PCDHGB6: variants seen among roughly 807,000 people sequenced by gnomAD.
The protein encoded by PCDHGB6 is protocadherin gamma-B6.
Under a neutral mutation model 59.1 loss-of-function variants are expected in PCDHGB6, and 51 were observed. The ratio of observed to expected loss-of-function variants is 0.86; its 90% CI spans 0.69 to 1.09. The LOEUF (loss-of-function observed/expected upper bound fraction) is 1.09, where lower values mean the gene tolerates loss of function less well. Among genes scored for constraint, PCDHGB6 ranks in the 50% least tolerant of loss-of-function variants. The pLI is 0.00. For synonymous variants in PCDHGB6, 466 were observed against 495.1 expected (o/e 0.94, Z 0.78); for missense variants, 1,148 against 1,205.1 (o/e 0.95, Z 0.70).
intron 1 of PCDHGB6, among the ~76,000 whole-genome samples, chr5:141,442,703 C>A (rs1405830887): frequency 6.6e-6 from 1 of 152,218 alleles, no homozygotes; most frequent in Admixed American, 6.5e-5. Flanking sequence ...ACAAGAGTAT[C>A]AGACATGCCA....
intron 2 of PCDHGB6, among the ~76,000 whole-genome samples, chr5:141,500,184 T>TTTTATTTATTTATTTA (rs58019021): frequency 1.5e-5 from 2 of 135,886 alleles, no homozygotes; most frequent in African/African-American, 5.4e-5. Flanking sequence ...TCATTTTTAT[T>TTTTATTTATTTATTTA]TTTATTTATT....
rs2154581798 is a variant in PCDHGB6, at chr5:141,489,799, G to T, written c.2419-5008G>T. 1 of 1,614,192 alleles carries T rather than the reference G, an allele frequency of 6.2e-7. No homozygotes were observed. The highest frequency in any genetic ancestry group is 2.2e-5 in the East Asian group (1 of 44,884). On this transcript the variant is annotated intron_variant, in intron 1 of 3. Coordinates refer to ENST00000520790, the MANE Select transcript of PCDHGB6 (RefSeq NM_018926.3). The surrounding 1 kb of genome is among the most constrained non-coding windows in gnomAD (Gnocchi z 4.5). Reference sequence around the variant, plus strand: ...CTCTCTGAATGTGAAGACCCTAAAAGATGGGAAGCCATTCCCAGAGCTGGT... The same window carrying T: ...CTCTCTGAATGTGAAGACCCTAAAATATGGGAAGCCATTCCCAGAGCTGGT...
chr5:141,416,130 C>T (rs907950687), intron 1 of PCDHGB6: 1 of 154,098 alleles, frequency 6.5e-6, no homozygotes, highest in African/African-American at 2.4e-5. Context: ...ATATATTTTT[C>T]AATCTATACT....
chr5:141,422,092 G>A (rs2154549502), intron 1 of PCDHGB6: 6 of 1,611,520 alleles, frequency 3.7e-6, no homozygotes, highest in Non-Finnish European at 5.1e-6. Flanking sequence ...GGAAAGCAAG[G>A]CTTCTGAAAT....
At chr5:141,415,259 T>A (rs778452630) in intron 1 of PCDHGB6, 5 of 1,614,226 alleles carry the variant, frequency 3.1e-6, no homozygotes, top group Admixed American at 1.7e-5. Flanking sequence ...GACCTCACTC[T>A]GTACCTGGTG....
chr5:141,432,435 C>T lies in PCDHGB6; in HGVS notation c.2418+21815C>T. 1 of 1,614,212 alleles carries T rather than the reference C, an allele frequency of 6.2e-7. No homozygotes were observed. Among genetic ancestry groups the T allele is most frequent in the Non-Finnish European group, 8.5e-7 (1 of 1,180,038 alleles). The stretch of plus-strand genomic sequence containing the variant: ...TTCGTGCTGGACCAGAACGACAATG[C>T]GCCCGAGATCCTGTACCCCGCCCTC... On this transcript the variant is annotated intron_variant, in intron 1 of 3. Transcript: ENST00000520790. This position sits in a 1 kb window ranked among gnomAD's most constrained non-coding sequence, Gnocchi z 6.0.
At position 141,408,558 on chromosome 5, in the gene PCDHGB6, T is replaced by A. The variant is rs748858215; in HGVS notation, c.356T>A (p.Val119Asp). 3.0e-5 allele frequency: 48 copies of A among 1,613,898 alleles called. No individual in the cohort carries two copies. Among genetic ancestry groups the A allele is most frequent in the Non-Finnish European group, 5.9e-6 (7 of 1,179,892 alleles). ...VVENPLNIFHVIVVIEDVNDH... is the reference protein window; with the variant it reads ...VVENPLNIFHDIVVIEDVNDH... ...GAAAATCCTTTAAATATTTTTCATGTCATTGTGGTGATTGAGGATGTTAAT... is the reference window on the plus strand; with the variant it reads ...GAAAATCCTTTAAATATTTTTCATGACATTGTGGTGATTGAGGATGTTAAT... Residue 119 changes from valine (V) to aspartate (D), a missense_variant, in exon 1 of 4, where the codon GTC (valine) becomes GAC (aspartate). Coordinates refer to ENST00000520790, the MANE Select transcript of PCDHGB6 (RefSeq NM_018926.3).
Position 141,414,566 on chromosome 5 carries a change from A to G in PCDHGB6, c.2418+3946A>G, listed in dbSNP as rs375828619. The stretch of plus-strand genomic sequence containing the variant: ...TTCTCTCAAGTCTCCTACTTTACCT[A>G]TATCCCAGAGAACAACGCCAGGGGT... On this transcript the variant is annotated intron_variant, in intron 1 of 3. Coordinates refer to ENST00000520790, the MANE Select transcript of PCDHGB6 (RefSeq NM_018926.3). The G allele has an allele frequency of 6.6e-5, 106 of 1,613,800 alleles. No homozygotes were observed. Among genetic ancestry groups the G allele is most frequent in the Non-Finnish European group, 8.4e-5 (99 of 1,179,878 alleles).
At chr5:141,422,769 T>C (rs1274700138) in intron 1 of PCDHGB6, 1 of 1,613,852 alleles carries the variant, frequency 6.2e-7, no homozygotes, top group Admixed American at 1.7e-5. Context: ...ACACTGGTGT[T>C]CTCTATGCCC....
intron 1 of PCDHGB6, among the ~76,000 whole-genome samples, chr5:141,451,611 G>C (rs1004906441): frequency 6.6e-6 from 1 of 152,166 alleles, no homozygotes; most frequent in Admixed American, 6.5e-5. Context: ...GCTAGGCATG[G>C]TGGCTCAAAC....
chr5:141,491,855 G>A lies in PCDHGB6; in HGVS notation c.2419-2952G>A. ...TTCTCGGGATCATTGGACCGTTTGC[G>A]CGAAACCAGAGTGGCCGATTAAGGG... On this transcript the variant is annotated intron_variant, in intron 1 of 3. Coordinates refer to ENST00000520790, the MANE Select transcript of PCDHGB6 (RefSeq NM_018926.3). The surrounding 1 kb of genome is among the most constrained non-coding windows in gnomAD (Gnocchi z 6.9). The A allele has an allele frequency of 2.7e-6, 4 of 1,459,380 alleles. No individual in the cohort carries two copies. The highest frequency in any genetic ancestry group is 3.6e-6 in the Non-Finnish European group (4 of 1,103,492). The allele number at this position is 1,459,380 out of a possible 1,614,324, so 90.4% of individuals were successfully genotyped here. A position where few individuals can be genotyped will look rare whatever the true frequency, so the allele number is the denominator to read the frequency against.
In PCDHGB6 at chr5:141,410,206, G is replaced by T. The variant is rs774541712; in HGVS notation, c.2004G>T (p.Leu668Phe). 2 of 1,614,026 alleles carry T rather than the reference G, an allele frequency of 1.2e-6. No homozygotes were observed. The highest frequency in any genetic ancestry group is 1.1e-5 in the South Asian group (1 of 91,086). ...TTCATCTGGTCTTCGCAGACAACTT[G>T]CAAGAGATACTGCCAGACCTCAGCG... is the stretch of plus-strand genomic sequence containing the variant. ...ATLHLVFADN[L>F]QEILPDLSDR... is the part of the protein sequence containing the mutation. The change falls in exon 1 of 4, where the codon TTG becomes TTT. Residue 668 changes from leucine (L) to phenylalanine (F), a missense_variant. Leu to Phe is a conservative substitution (Grantham distance 22). Transcript: ENST00000520790.
rs759095332 is a variant in PCDHGB6, at chr5:141,432,306, C to T, written c.2418+21686C>T. 1 of 1,614,250 alleles carries T rather than the reference C, an allele frequency of 6.2e-7. No homozygotes were observed. On this transcript the variant is annotated intron_variant, in intron 1 of 3. Coordinates refer to ENST00000520790, the MANE Select transcript of PCDHGB6 (RefSeq NM_018926.3). This position sits in a 1 kb window ranked among gnomAD's most constrained non-coding sequence, Gnocchi z 6.0. ...AACTCCGACACTGGGGTACTGTATG[C>T]GCTGAGCTCCTTCGACTACGAGCAG...
chr5:141,414,180 A>G, intron 1 of PCDHGB6: 2 of 1,608,986 alleles, frequency 1.2e-6, no homozygotes, highest in Middle Eastern at 1.7e-4. Context: ...TTGCAACTGC[A>G]AAAGTGTTGA....
chr5:141,450,253 A>G (rs1025385837), intron 1 of PCDHGB6, among the ~76,000 whole-genome samples: 1 of 152,020 alleles, frequency 6.6e-6, no homozygotes, highest in African/African-American at 2.4e-5. Flanking sequence ...CCTGACCTCA[A>G]GTGATCTGCC....
intron 1 of PCDHGB6, chr5:141,413,167 C>G: frequency 6.3e-7 from 1 of 1,590,828 alleles, no homozygotes; most frequent in Non-Finnish European, 8.6e-7. Context: ...ATTCTGTAAC[C>G]AGACTACAAT....
At chr5:141,462,542 T>C (rs910054469) in intron 1 of PCDHGB6, among the ~76,000 whole-genome samples, 1 of 152,222 alleles carries the variant, frequency 6.6e-6, no homozygotes, top group Non-Finnish European at 1.5e-5. Flanking sequence ...AGTGATCTTT[T>C]CTTCTTCAGT....
At chr5:141,492,509 C>T (rs1276866000) in intron 1 of PCDHGB6, among the ~76,000 whole-genome samples, 1 of 152,216 alleles carries the variant, frequency 6.6e-6, no homozygotes, top group African/African-American at 2.4e-5. Context: ...CCGGAGCCTC[C>T]TCTCACCTCT....
At chr5:141,422,965 C>T (rs2096693602) in intron 1 of PCDHGB6, 2 of 1,614,116 alleles carry the variant, frequency 1.2e-6, no homozygotes, top group African/African-American at 2.7e-5. Context: ...GGAGCTGGCG[C>T]CCCGCTCTGC....
Sources: gnomAD v4.1 joint callset for allele counts (sites outside exome capture counted in the v4.1 genomes callset) on GRCh38, gnomAD v4.1.1 for gene constraint, Gnocchi (gnomAD v3.1) non-coding constraint, MANE v1.5 for transcripts, NCBI Gene and HGNC (gene_info 2026-07-23, HGNC 2026-07-21) for gene names.